Variants in JPH2 observed in about 807,000 individuals in gnomAD.
JPH2 encodes junctophilin 2.
In JPH2, 38 loss-of-function variants were observed where a neutral mutation model predicts 55.9. The ratio of observed to expected loss-of-function variants is 0.68; its 90% CI spans 0.52 to 0.89. The LOEUF (loss-of-function observed/expected upper bound fraction) is 0.89. Among genes scored for constraint, JPH2 ranks in the 40% least tolerant of loss-of-function variants. The pLI, the probability that JPH2 is intolerant of heterozygous loss-of-function variation, is 0.00. For missense variants in JPH2, 964 were observed against 1,037.6 expected, an observed-to-expected ratio of 0.93 and a Z score of 0.97; for synonymous variants, 480 against 472.4, an observed-to-expected ratio of 1.02 and a Z score of -0.21.
intron 2 of JPH2, among the ~76,000 whole-genome samples, chr20:44,134,810 T>C (rs2072392447): frequency 8.5e-6 from 1 of 117,152 alleles, no homozygotes; most frequent in Non-Finnish European, 1.6e-5. Flanking sequence ...ATTATAAATA[T>C]ATATAAATAT....
rs11299035 is a variant in JPH2, at chr20:44,125,113, C to CA, written c.1170-6491dup. On this transcript the variant is annotated intron_variant, in intron 2 of 5. Coordinates refer to ENST00000372980, the MANE Select transcript of JPH2 (RefSeq NM_020433.5). ...TGGGTGACAGAGTGAGACTCTGGCT[C>CA]AAAAAAAAAAAAAAAAAAGTAACAT... Among the ~76,000 whole-genome samples the CA allele has an allele frequency of 2.3e-3, 272 of 117,990 alleles. 1 individual carries two copies. Among genetic ancestry groups the CA allele is most frequent in the African/African-American group, 6.7e-3 (209 of 30,986 alleles). 77.4% of individuals were successfully genotyped at this position (117,990 alleles called of 152,430 possible).
intron 2 of JPH2, among the ~76,000 whole-genome samples, chr20:44,138,510 C>T (rs888996884): frequency 1.3e-5 from 2 of 151,962 alleles, no homozygotes; most frequent in Non-Finnish European, 2.9e-5. Context: ...TCCCGAACAG[C>T]ACCTGGGACT....
At position 44,134,719 on chromosome 20, in the gene JPH2, T is replaced by TATATAAATATTATAAATATATAAAG. The variant is rs1569195338; in HGVS notation, c.1170-16097_1170-16096insCTTTATATATTTATAATATTTATAT. Among the ~76,000 whole-genome samples the TATATAAATATTATAAATATATAAAG allele has an allele frequency of 2.1e-3, 125 of 58,164 alleles. 47 individuals are homozygous for TATATAAATATTATAAATATATAAAG. Among genetic ancestry groups the TATATAAATATTATAAATATATAAAG allele is most frequent in the Admixed American group, 2.6e-3 (8 of 3,090 alleles). The allele number at this position is 58,164 out of a possible 152,430, so 38.2% of individuals were successfully genotyped here. ...TATATACATTAATATATATTATAAA[T>TATATAAATATTATAAATATATAAAG]ATATATTTATTATAAATATATAAAG... is the stretch of plus-strand genomic sequence containing the variant. On this transcript the variant is annotated intron_variant, in intron 2 of 5. Transcript: ENST00000372980.
chr20:44,176,799 A>G, intron 1 of JPH2: 2 of 923,982 alleles, frequency 2.2e-6, no homozygotes, highest in Non-Finnish European at 2.6e-6. Flanking sequence ...GTTAAAAAAA[A>G]GAAAAAGAAA....
At chr20:44,182,822 G>A (rs571648427) in intron 1 of JPH2, among the ~76,000 whole-genome samples, 105 of 152,240 alleles carry the variant, frequency 6.9e-4, no homozygotes, top group Middle Eastern at 3.4e-3. Flanking sequence ...TGTCTTGCTC[G>A]CTGCCCCCAC....
intron 1 of JPH2, among the ~76,000 whole-genome samples, chr20:44,184,170 AC>A (rs990731761): frequency 1.3e-5 from 2 of 152,116 alleles, no homozygotes; most frequent in African/African-American, 4.8e-5. Flanking sequence ...AAACAAACAA[AC>A]AAAAGAAGTC....
At chr20:44,162,785 TATAC>T (rs1250677117) in intron 1 of JPH2, among the ~76,000 whole-genome samples, 443 of 49,872 alleles carry the variant, frequency 8.9e-3, no homozygotes, top group South Asian at 0.012. Flanking sequence ...TATATATATA[TATAC>T]ACACACACAC....
At chr20:44,118,677 T>C (rs2072212492) in intron 2 of JPH2, 54 bp from the exon 3 acceptor site, 4 of 1,402,304 alleles carry the variant, frequency 2.9e-6, no homozygotes, top group Non-Finnish European at 4.0e-6. Flanking sequence ...ACCAGCCTTC[T>C]GCCCCTTCTC....
chr20:44,186,260 C>T (rs867864213), intron 1 of JPH2, 67 bp downstream of exon 1: 27 of 1,573,764 alleles, frequency 1.7e-5, no homozygotes, highest in Middle Eastern at 3.6e-4. Context: ...GCCTTTCCCA[C>T]CCTCCACCAG....
rs941575764 is a variant in JPH2, at chr20:44,111,743, A to G, written c.*1775T>C. The G allele has an allele frequency of 2.6e-5, 4 of 152,254 alleles. No homozygotes were observed. The highest frequency in any genetic ancestry group is 9.7e-5 in the African/African-American group (4 of 41,400). 9.4% of individuals were successfully genotyped at this position (152,254 alleles called of 1,614,324 possible). ...TTATTGCACAGACTGCAGCATCCTG[A>G]ACCCCAAACCCAACCCCAAACACCA... On this transcript the variant is annotated 3_prime_UTR_variant, in exon 6 of 6. Coordinates refer to ENST00000372980, the MANE Select transcript of JPH2 (RefSeq NM_020433.5).
intron 2 of JPH2, among the ~76,000 whole-genome samples, chr20:44,155,830 G>A (rs934639844): frequency 1.3e-5 from 2 of 152,170 alleles, no homozygotes; most frequent in African/African-American, 2.4e-5. Context: ...GAGTCCAGGA[G>A]TTCGAGAATA....
intron 2 of JPH2, among the ~76,000 whole-genome samples, chr20:44,121,708 C>G (rs766744191): frequency 1.3e-5 from 2 of 152,098 alleles, no homozygotes; most frequent in Admixed American, 1.3e-4. Context: ...AGAACCCAAG[C>G]CAGCATGGTG....
intron 2 of JPH2, among the ~76,000 whole-genome samples, chr20:44,142,530 G>A (rs552157929): frequency 6.6e-6 from 1 of 152,114 alleles, no homozygotes; most frequent in East Asian, 1.9e-4. Context: ...CCCTCTCCCG[G>A]GCAGCTCCCC....
intron 1 of JPH2, among the ~76,000 whole-genome samples, chr20:44,173,921 CA>C (rs1377318195): frequency 6.6e-6 from 1 of 152,100 alleles, no homozygotes; most frequent in Non-Finnish European, 1.5e-5. Context: ...TCAAAACAAA[CA>C]AACAAACAAA....
At position 44,186,322 on chromosome 20, in the gene JPH2, C is replaced by A; in HGVS notation, c.379+5G>T. The A allele has an allele frequency of 6.2e-7, 1 of 1,610,598 alleles. No individual in the cohort carries two copies. The highest frequency in any genetic ancestry group is 8.5e-7 in the Non-Finnish European group (1 of 1,179,910). On this transcript the variant is annotated splice_donor_5th_base_variant and intron_variant, in intron 1 of 5. Transcript: ENST00000372980. ...CCACCTCTGCGGGCCCCCAGCTGGC[C>A]TCACCTCCATCAGCATAGGTCTCGG...
chr20:44,181,234 A>G (rs2072781092), intron 1 of JPH2, among the ~76,000 whole-genome samples: 1 of 152,156 alleles, frequency 6.6e-6, no homozygotes, highest in Admixed American at 6.5e-5. Context: ...AAGTCAAGTC[A>G]CCTTAGAACA....
Position 44,159,690 on chromosome 20 carries a change from A to T in JPH2, c.1097T>A (p.Val366Glu). 1 of 1,612,872 alleles carries T rather than the reference A, an allele frequency of 6.2e-7. No homozygotes were observed. Residue 366 changes from valine (V) to glutamate (E), a missense_variant, in exon 2 of 6, where the codon GTG (valine) becomes GAG (glutamate). Val to Glu is a moderately radical substitution (Grantham distance 121, BLOSUM62 -2). Coordinates refer to ENST00000372980, the MANE Select transcript of JPH2 (RefSeq NM_020433.5). The surrounding 1 kb of genome is among the most constrained non-coding windows in gnomAD (Gnocchi z 5.7). ...CTGGGCACCCTCCACACTGTGCTCC[A>T]CTTTCTGGCGGACCTTGTTGCTCTT... Reference protein sequence around the residue: ...QLKSNKVRQKVEHSVEGAQRA... With the variant: ...QLKSNKVRQKEEHSVEGAQRA...
chr20:44,167,040 C>T (rs1442213050), intron 1 of JPH2, among the ~76,000 whole-genome samples: 1 of 152,236 alleles, frequency 6.6e-6, no homozygotes, highest in East Asian at 1.9e-4. Flanking sequence ...CATTTCTTCA[C>T]ATGCTCTTCT....
intron 2 of JPH2, among the ~76,000 whole-genome samples, chr20:44,124,373 C>A (rs1169052532): frequency 6.6e-6 from 1 of 152,168 alleles, no homozygotes; most frequent in Admixed American, 6.5e-5. Context: ...TCTCTCCCCT[C>A]CTGCCGCGAT....
Sources: allele counts gnomAD v4.1 joint callset (sites outside exome capture counted in the v4.1 genomes callset), GRCh38; gene constraint gnomAD v4.1.1; non-coding constraint Gnocchi (gnomAD v3.1); transcripts MANE v1.5; gene names NCBI Gene and HGNC (gene_info 2026-07-23, HGNC 2026-07-21).